Variants in HLCS observed in about 807,000 individuals in gnomAD.
HLCS encodes the protein holocarboxylase synthetase.
In HLCS, 53 loss-of-function variants were observed where a neutral mutation model predicts 75.0. The observed-to-expected ratio is 0.71, with a 90% CI of 0.57 to 0.89. The LOEUF (loss-of-function observed/expected upper bound fraction) is 0.89, where lower values mean the gene tolerates loss of function less well. HLCS is among the 40% of genes least tolerant of loss of function. The pLI is 0.00. For synonymous variants in HLCS, 431 were observed against 428.6 expected, an observed-to-expected ratio of 1.01 and a Z score of -0.07; for missense variants, 966 against 1,074.0, an observed-to-expected ratio of 0.90 and a Z score of 1.41.
rs761549990 is a variant in HLCS, at chr21:36,793,295, C to CTTTTTT, written c.1893-26016_1893-26011dup. ...AGAACACGGGACAGCAGGAAGCAGT[C>CTTTTTT]TTTTTTTTTTTTTTTTTTGAGATAG... On this transcript the variant is annotated intron_variant, in intron 6 of 10. Coordinates refer to ENST00000674895, the MANE Select transcript of HLCS (RefSeq NM_001352514.2). 2.3e-4 allele frequency among the ~76,000 whole-genome samples: 27 copies of CTTTTTT among 116,248 alleles called. 1 individual carries two copies. Among genetic ancestry groups the CTTTTTT allele is most frequent in the East Asian group, 7.5e-4 (3 of 4,008 alleles). The allele number at this position is 116,248 out of a possible 152,430, so 76.3% of individuals were successfully genotyped here.
chr21:36,942,524 A>C (rs1025169929), intron 2 of HLCS, among the ~76,000 whole-genome samples: 2 of 152,148 alleles, frequency 1.3e-5, no homozygotes, highest in African/African-American at 4.8e-5. Context: ...AAAACTACAA[A>C]ATTCAGAGAA....
chr21:36,980,436 G>A (rs1858055706), intron 1 of HLCS: 1 of 152,192 alleles, frequency 6.6e-6, no homozygotes, highest in Non-Finnish European at 1.5e-5. Context: ...CGAGTCCGAA[G>A]AGCCAGGCCT....
intron 2 of HLCS, among the ~76,000 whole-genome samples, chr21:36,960,930 GC>G (rs1439736494): frequency 6.6e-6 from 1 of 152,196 alleles, no homozygotes; most frequent in Non-Finnish European, 1.5e-5. Context: ...CAAGAGGAAT[GC>G]CCAAAGAAGG....
intron 6 of HLCS, among the ~76,000 whole-genome samples, chr21:36,812,582 T>C (rs2061544580): frequency 6.6e-6 from 1 of 152,160 alleles, no homozygotes. Context: ...TTTGTTTAAA[T>C]TGCTAAGAAA....
chr21:36,800,044 T>C (rs1185405862), intron 6 of HLCS, among the ~76,000 whole-genome samples: 1 of 152,152 alleles, frequency 6.6e-6, no homozygotes, highest in African/African-American at 2.4e-5. Context: ...ATTTCCACCA[T>C]TTCCACATTT....
chr21:36,760,978 G>A (rs1401349199), intron 8 of HLCS, among the ~76,000 whole-genome samples: 1 of 152,254 alleles, frequency 6.6e-6, no homozygotes, highest in African/African-American at 2.4e-5. Context: ...GTCTGGAGAT[G>A]CAAGGCTGGA....
chr21:36,852,711 C>T (rs909605893), intron 6 of HLCS, among the ~76,000 whole-genome samples: 9 of 152,156 alleles, frequency 5.9e-5, no homozygotes, highest in African/African-American at 1.7e-4. Flanking sequence ...AAAGCCTGAT[C>T]GTTAAGCCAT....
At chr21:36,912,554 G>A (rs2065764462) in intron 5 of HLCS, among the ~76,000 whole-genome samples, 1 of 152,122 alleles carries the variant, frequency 6.6e-6, no homozygotes, top group South Asian at 2.1e-4. Flanking sequence ...TAAAAAAAAA[G>A]TTTTGGAAAT....
At chr21:36,944,736 G>C (rs1206268575) in intron 2 of HLCS, among the ~76,000 whole-genome samples, 1 of 152,084 alleles carries the variant, frequency 6.6e-6, no homozygotes, top group Non-Finnish European at 1.5e-5. Context: ...ATACTTGAAT[G>C]ACCTCGTCAA....
At chr21:36,823,729 C>T (rs972984001) in intron 6 of HLCS, among the ~76,000 whole-genome samples, 1 of 151,952 alleles carries the variant, frequency 6.6e-6, no homozygotes, top group South Asian at 2.1e-4. Flanking sequence ...GTGTCAGTAT[C>T]ACCTGTGTAA....
intron 6 of HLCS, among the ~76,000 whole-genome samples, chr21:36,791,987 G>T (rs532805690): frequency 6.6e-6 from 1 of 152,048 alleles, no homozygotes; most frequent in Non-Finnish European, 1.5e-5. Context: ...GAAAGGCAGC[G>T]GAAAAAAACC....
At chr21:36,929,166 G>A (rs1053707494) in intron 5 of HLCS, among the ~76,000 whole-genome samples, 3 of 152,242 alleles carry the variant, frequency 2.0e-5, no homozygotes, top group African/African-American at 4.8e-5. Flanking sequence ...CCAAGAGTCC[G>A]GAGGTCAAGT....
intron 6 of HLCS, among the ~76,000 whole-genome samples, chr21:36,803,468 T>C (rs1455612051): frequency 6.6e-6 from 1 of 152,246 alleles, no homozygotes; most frequent in Non-Finnish European, 1.5e-5. Context: ...CGACCTTGTG[T>C]GCAGAAGTTT....
intron 2 of HLCS, among the ~76,000 whole-genome samples, chr21:36,945,047 G>A (rs1450616136): frequency 6.6e-6 from 1 of 152,058 alleles, no homozygotes; most frequent in Non-Finnish European, 1.5e-5. Flanking sequence ...GTGAACCCAG[G>A]AAGCGGAACT....
intron 6 of HLCS, among the ~76,000 whole-genome samples, chr21:36,832,910 A>G (rs1284021726): frequency 1.3e-5 from 2 of 151,990 alleles, no homozygotes; most frequent in Non-Finnish European, 2.9e-5. Flanking sequence ...CTAGCACCAC[A>G]CTTTTGGTTC....
intron 2 of HLCS, among the ~76,000 whole-genome samples, chr21:36,953,092 G>C (rs529258873): frequency 4.6e-5 from 7 of 152,248 alleles, no homozygotes; most frequent in African/African-American, 1.7e-4. Context: ...TGAAATTTCT[G>C]AATCACAACA....
upstream of HLCS, among the ~76,000 whole-genome samples, chr21:36,970,151 C>A (rs2068746716): frequency 6.6e-6 from 1 of 152,248 alleles, no homozygotes. Context: ...GCCTATCATA[C>A]TGACATTAAC....
rs1225768074 is a variant in HLCS, at chr21:36,897,109, T to C, written c.1643A>G (p.Gln548Arg). 2.6e-5 allele frequency: 42 copies of C among 1,614,160 alleles called. No individual in the cohort carries two copies. The highest frequency in any genetic ancestry group is 3.5e-5 in the Non-Finnish European group (41 of 1,180,026). Reference protein sequence around the residue: ...AAEEIRDPLMQWLGKHVDSEG... With the variant: ...AAEEIRDPLMRWLGKHVDSEG... ...GGAGTCCACATGTTTCCCAAGCCAC[T>C]GCATAAGAGGATCCCTGATTTCCTG... The change falls in exon 6 of 11, where the codon CAG (glutamine) becomes CGG (arginine). Residue 548 changes from glutamine (Q) to arginine (R), a missense_variant. By Grantham distance (43) the Gln-to-Arg change is conservative. Coordinates refer to ENST00000674895, the MANE Select transcript of HLCS (RefSeq NM_001352514.2).
At chr21:36,781,894 G>T (rs1427307846) in intron 6 of HLCS, among the ~76,000 whole-genome samples, 1 of 152,166 alleles carries the variant, frequency 6.6e-6, no homozygotes, top group Admixed American at 6.5e-5. Context: ...TCAGGACAGG[G>T]TGTTGAATTT....
Sources: gnomAD v4.1 joint callset for allele counts (sites outside exome capture counted in the v4.1 genomes callset) on GRCh38, gnomAD v4.1.1 for gene constraint, MANE v1.5 for transcripts, NCBI Gene and HGNC (gene_info 2026-07-23, HGNC 2026-07-21) for gene names.